RPL35A: variants seen among roughly 807,000 people sequenced by gnomAD.
The protein encoded by RPL35A is large ribosomal subunit protein eL33.
In RPL35A, 1 loss-of-function variant was observed where a neutral mutation model predicts 16.7. The ratio of observed to expected loss-of-function variants is 0.06; its 90% CI spans 0.02 to 0.28. The LOEUF (loss-of-function observed/expected upper bound fraction) is 0.28. Ranked by LOEUF, RPL35A falls within the 10% of genes least tolerant of loss-of-function variation. The pLI is 1.00. For missense variants in RPL35A, 91 were observed against 138.7 expected (o/e 0.66, Z 1.73); for synonymous variants, 58 against 47.0 (o/e 1.23, Z -0.96).
intron 3 of RPL35A, chr3:197,951,600 A>G: frequency 2.5e-6 from 1 of 397,976 alleles, no homozygotes; most frequent in Non-Finnish European, 4.7e-6. Flanking sequence ...TGATCCGCCC[A>G]CCTCGGCCTC....
intron 3 of RPL35A, 144 bp downstream of exon 3, chr3:197,951,455 C>G: frequency 2.3e-6 from 2 of 865,738 alleles, no homozygotes; most frequent in Non-Finnish European, 3.8e-6. Flanking sequence ...CGGGTTCAAG[C>G]AAGTGTCCTG....
At chr3:197,954,184 A>G (rs776866824) in intron 4 of RPL35A, 37 bp downstream of exon 4, 9 of 1,611,160 alleles carry the variant, frequency 5.6e-6, no homozygotes, top group Non-Finnish European at 7.6e-6. Flanking sequence ...CGTCTGATGA[A>G]TCAGACTAGG....
At position 197,950,236 on chromosome 3, in the gene RPL35A, T is replaced by G; in HGVS notation, c.-33+15T>G. Reference sequence around the variant, plus strand: ...CTCCTGTGGAGGTGAGTGAAGGGTCTGCTGCTGAAATTTGGGGGCAAATAA... The same window carrying G: ...CTCCTGTGGAGGTGAGTGAAGGGTCGGCTGCTGAAATTTGGGGGCAAATAA... On this transcript the variant is annotated intron_variant, in intron 1 of 4. Coordinates refer to ENST00000647248, the MANE Select transcript of RPL35A (RefSeq NM_000996.4). 1 of 1,231,010 alleles carries G rather than the reference T, an allele frequency of 8.1e-7. No homozygotes were observed. Among genetic ancestry groups the G allele is most frequent in the Non-Finnish European group, 1.0e-6 (1 of 987,798 alleles). 76.3% of individuals were successfully genotyped at this position (1,231,010 alleles called of 1,614,324 possible).
At chr3:197,953,066 T>C (rs1445490368) in intron 3 of RPL35A, among the ~76,000 whole-genome samples, 1 of 152,240 alleles carries the variant, frequency 6.6e-6, no homozygotes, top group Non-Finnish European at 1.5e-5. Flanking sequence ...CCCAAAGTGC[T>C]GGGATTACAG....
At chr3:197,954,635 G>A (rs534262661) in intron 4 of RPL35A, among the ~76,000 whole-genome samples, 7 of 152,188 alleles carry the variant, frequency 4.6e-5, no homozygotes, top group Admixed American at 4.6e-4. Context: ...TCAGCCTCCC[G>A]AGTAGCTGGA....
chr3:197,953,874 T>C (rs1317024682), intron 3 of RPL35A, 129 bp from the exon 4 acceptor site: 2 of 821,740 alleles, frequency 2.4e-6, no homozygotes, highest in East Asian at 5.1e-5. Context: ...AATGGTGTTC[T>C]AGGCATTTAA....
chr3:197,951,101 C>G (rs1720036128), intron 2 of RPL35A, 58 bp from the exon 3 acceptor site: 2 of 1,611,128 alleles, frequency 1.2e-6, no homozygotes, highest in Non-Finnish European at 1.7e-6. Context: ...GGGGTGATTA[C>G]AAGTCAGATT....
At chr3:197,954,474 T>G in intron 4 of RPL35A, 3 of 383,242 alleles carry the variant, frequency 7.8e-6, no homozygotes, top group South Asian at 2.2e-5. Flanking sequence ...GCTGGGACCA[T>G]AGGCGTGTGC....
chr3:197,954,333 TTTG>T (rs1581106797), intron 4 of RPL35A, 186 bp downstream of exon 4: 2 of 682,808 alleles, frequency 2.9e-6, no homozygotes, highest in Non-Finnish European at 5.0e-6. Flanking sequence ...TTGTTTGTTT[TTTG>T]TTTTTTTTTT....
intron 4 of RPL35A, chr3:197,954,479 G>A (rs1031722235): frequency 3.1e-4 from 118 of 378,728 alleles, no homozygotes; most frequent in Non-Finnish European, 7.5e-5. Flanking sequence ...GACCATAGGC[G>A]TGTGCCACCA....
In RPL35A at chr3:197,954,039, C is replaced by T. The variant is rs1720336782; in HGVS notation, c.201C>T (p.Thr67=). ...CTCCTGGCGGCAAACCAAACAAAAC[C>T]AGAGTCATCTGGGGAAAAGTAACTC... The part of the protein sequence containing the change: ...TVTPGGKPNK[T]RVIWGKVTRA... Residue 67 remains threonine (T), a synonymous_variant, in exon 4 of 5, where the codon ACC becomes ACT. Transcript: ENST00000647248. The T allele has an allele frequency of 6.2e-7, 1 of 1,613,688 alleles. No individual in the cohort carries two copies. Among genetic ancestry groups the T allele is most frequent in the Non-Finnish European group, 8.5e-7 (1 of 1,180,002 alleles).
Position 197,954,042 on chromosome 3 carries a change from A to G in RPL35A, c.204A>G (p.Arg68=), listed in dbSNP as rs372573758. 1.1e-5 allele frequency: 18 copies of G among 1,613,696 alleles called. No individual in the cohort carries two copies. The African/African-American group carries it at 2.1e-4, about 19-fold the overall frequency. Residue 68 remains arginine, a synonymous_variant, in exon 4 of 5, where the codon AGA becomes AGG. Transcript: ENST00000647248. ...VTPGGKPNKT[R]VIWGKVTRAH... is the part of the protein sequence containing the mutation. ...CTGGCGGCAAACCAAACAAAACCAG[A>G]GTCATCTGGGGAAAAGTAACTCGGG...
intron 4 of RPL35A, chr3:197,954,596 G>A: frequency 4.0e-6 from 1 of 251,402 alleles, no homozygotes; most frequent in Non-Finnish European, 7.9e-6. Context: ...TGCTACCTTT[G>A]CCTCCAAAGT....
intron 3 of RPL35A, among the ~76,000 whole-genome samples, chr3:197,952,836 CTTT>C (rs113975470): frequency 6.9e-6 from 1 of 144,208 alleles, no homozygotes; most frequent in Admixed American, 6.9e-5. Flanking sequence ...ATGCTGTAGA[CTTT>C]TTTTTTTTTT....
chr3:197,950,462 C>A, intron 1 of RPL35A: 1 of 535,626 alleles, frequency 1.9e-6, no homozygotes, highest in Non-Finnish European at 2.7e-6. Context: ...CGGAGTGAAA[C>A]GATGTTTTTG....
intron 3 of RPL35A, chr3:197,953,487 G>T: frequency 2.2e-6 from 1 of 456,798 alleles, no homozygotes; most frequent in Non-Finnish European, 4.4e-6. Context: ...CTTTATCTCA[G>T]CTGGGATTAA....
intron 3 of RPL35A, 61 bp downstream of exon 3, chr3:197,951,372 A>G (rs1333967400): frequency 4.5e-6 from 7 of 1,563,748 alleles, no homozygotes; most frequent in South Asian, 1.1e-5. Flanking sequence ...TCTTTTTTAT[A>G]TAACGGAGTC....
intron 1 of RPL35A, 133 bp from the exon 2 acceptor site, chr3:197,950,803 G>T: frequency 1.4e-6 from 1 of 732,920 alleles, no homozygotes. Flanking sequence ...TGGATGTTCT[G>T]GCATTGTTGT....
chr3:197,953,134 C>T (rs915761601), intron 3 of RPL35A, among the ~76,000 whole-genome samples: 17 of 152,240 alleles, frequency 1.1e-4, no homozygotes, highest in African/African-American at 3.4e-4. Flanking sequence ...ATCCTATTGT[C>T]TTCACCCACT....
Sources: gnomAD v4.1 joint callset for allele counts (sites outside exome capture counted in the v4.1 genomes callset) on GRCh38, gnomAD v4.1.1 for gene constraint, MANE v1.5 for transcripts, NCBI Gene and HGNC (gene_info 2026-07-23, HGNC 2026-07-21) for gene names.